The following NKAIN3 variants were observed in gnomAD, a reference collection of about 807,000 sequenced individuals.
NKAIN3 encodes sodium/potassium-transporting ATPase subunit beta-1-interacting protein 3.
In NKAIN3, 25 loss-of-function variants were observed where a neutral mutation model predicts 30.2. That is an observed-to-expected ratio of 0.83 (90% CI 0.60 to 1.16). NKAIN3 has a LOEUF of 1.16. Ranked by LOEUF, NKAIN3 falls within the 50% of genes most tolerant of loss-of-function variation. The pLI is 0.00. For synonymous variants in NKAIN3, 91 were observed against 89.6 expected (o/e 1.02, Z -0.09); for missense variants, 225 against 254.1 (o/e 0.89, Z 0.78).
At chr8:62,434,559 A>G (rs1481133285) in intron 1 of NKAIN3, among the ~76,000 whole-genome samples, 2 of 152,164 alleles carry the variant, frequency 1.3e-5, no homozygotes, top group Non-Finnish European at 2.9e-5. Context: ...AATTTTAGGA[A>G]AAGACTGCTT....
At position 62,739,399 on chromosome 8, in the gene NKAIN3, C is replaced by T. The variant is rs148703629; in HGVS notation, c.274-7533C>T. ...TGATTTCAGCATTCTTCCACCCAAG[C>T]TTCACTGCAAATTTGTTGTTTGTTC... On this transcript the variant is annotated intron_variant, in intron 3 of 6. Coordinates refer to ENST00000623646, the MANE Select transcript of NKAIN3 (RefSeq NM_001304533.3). Among the ~76,000 whole-genome samples the T allele has an allele frequency of 4.1e-3, 628 of 152,264 alleles. 4 individuals carry two copies. Among genetic ancestry groups the T allele is most frequent in the African/African-American group, 0.014 (590 of 41,552 alleles).
intron 3 of NKAIN3, among the ~76,000 whole-genome samples, chr8:62,630,224 G>A (rs1811913140): frequency 6.6e-6 from 1 of 152,056 alleles, no homozygotes; most frequent in Non-Finnish European, 1.5e-5. Flanking sequence ...GCAGGTCGTG[G>A]AATGCATCCC....
chr8:62,619,698 T>TA (rs111630029), intron 3 of NKAIN3, among the ~76,000 whole-genome samples: 18,983 of 141,766 alleles, frequency 0.13, 3,050 homozygotes, highest in African/African-American at 0.39. Flanking sequence ...TCAAATATTG[T>TA]AAAAAAAAAA....
At chr8:62,511,962 T>G (rs1376768) in intron 1 of NKAIN3, among the ~76,000 whole-genome samples, 92,543 of 152,016 alleles carry the variant, frequency 0.61, 29,365 homozygotes, top group South Asian at 0.78. Flanking sequence ...TCTGTTTCCC[T>G]CTCTAAATAG....
intron 1 of NKAIN3, among the ~76,000 whole-genome samples, chr8:62,476,734 C>T (rs1293265672): frequency 1.3e-5 from 2 of 152,070 alleles, no homozygotes; most frequent in Non-Finnish European, 2.9e-5. Flanking sequence ...GGATTACAGG[C>T]GTGAGCTACC....
intron 4 of NKAIN3, among the ~76,000 whole-genome samples, chr8:62,909,643 C>T (rs1424169056): frequency 6.6e-6 from 1 of 152,132 alleles, no homozygotes. Context: ...GATGTCTAGA[C>T]AGTTTCTCAT....
intron 4 of NKAIN3, among the ~76,000 whole-genome samples, chr8:62,814,531 C>A (rs1341686036): frequency 6.6e-6 from 1 of 152,030 alleles, no homozygotes; most frequent in African/African-American, 2.4e-5. Context: ...AACAAACTGT[C>A]TCTCAGACCA....
intron 1 of NKAIN3, among the ~76,000 whole-genome samples, chr8:62,370,488 T>C (rs1035895413): frequency 2.0e-5 from 3 of 151,944 alleles, no homozygotes; most frequent in Admixed American, 1.3e-4. Context: ...TACATGTATA[T>C]ATACACATCT....
intron 4 of NKAIN3, among the ~76,000 whole-genome samples, chr8:62,869,806 T>C (rs1470684719): frequency 6.6e-6 from 1 of 152,032 alleles, no homozygotes; most frequent in African/African-American, 2.4e-5. Flanking sequence ...CTAGCTCTGT[T>C]GCCCAGGCTG....
intron 4 of NKAIN3, among the ~76,000 whole-genome samples, chr8:62,858,471 C>T (rs192057640): frequency 6.6e-6 from 1 of 152,280 alleles, no homozygotes; most frequent in African/African-American, 2.4e-5. Flanking sequence ...CTTGAACAGC[C>T]AAGGTAGTGA....
intron 1 of NKAIN3, among the ~76,000 whole-genome samples, chr8:62,429,057 G>A (rs1027894813): frequency 6.6e-6 from 1 of 151,920 alleles, no homozygotes; most frequent in African/African-American, 2.4e-5. Flanking sequence ...TGGATATCCA[G>A]TTCTTCCAGC....
intron 1 of NKAIN3, among the ~76,000 whole-genome samples, chr8:62,303,194 A>G (rs1469308805): frequency 6.6e-6 from 1 of 150,490 alleles, no homozygotes; most frequent in Non-Finnish European, 1.5e-5. Context: ...ATTGGTGACA[A>G]TTAAAATGAA....
At chr8:62,532,341 C>T (rs1393078384) in intron 1 of NKAIN3, among the ~76,000 whole-genome samples, 1 of 152,078 alleles carries the variant, frequency 6.6e-6, no homozygotes, top group Non-Finnish European at 1.5e-5. Flanking sequence ...ACTGCCTATC[C>T]CCTGCCCAGT....
rs1334563219 is a variant in NKAIN3, at chr8:62,974,773, A to G, written c.*9366A>G. 7.2e-5 allele frequency among the ~76,000 whole-genome samples: 11 copies of G among 152,172 alleles called. No homozygotes were observed. The highest frequency in any genetic ancestry group is 7.2e-4 in the Admixed American group (11 of 15,286). On this transcript the variant is annotated 3_prime_UTR_variant, in exon 7 of 7. Coordinates refer to ENST00000623646, the MANE Select transcript of NKAIN3 (RefSeq NM_001304533.3). Reference sequence around the variant, plus strand: ...AAGGGAGTGCTTCCAGTTTTTGCCCATTCAGTGTGATATTGGCTGTGGGTT... The same window carrying G: ...AAGGGAGTGCTTCCAGTTTTTGCCCGTTCAGTGTGATATTGGCTGTGGGTT...
Position 62,400,882 on chromosome 8 carries a change from AT to A in NKAIN3, c.54+151756del, listed in dbSNP as rs1803839784. ...TGGCCTTTGGCAGTTTCATTATTAAATGTCTTCAGATAGACTTACTTAGGAT... is the reference window on the plus strand; with the variant it reads ...TGGCCTTTGGCAGTTTCATTATTAAAGTCTTCAGATAGACTTACTTAGGAT... On this transcript the variant is annotated intron_variant, in intron 1 of 6. Transcript: ENST00000623646. Among the ~76,000 whole-genome samples, 3 of 152,144 alleles carry A rather than the reference AT, an allele frequency of 2.0e-5. No homozygotes were observed. In the South Asian group the frequency reaches 6.2e-4, roughly 31 times the overall value.
intron 4 of NKAIN3, among the ~76,000 whole-genome samples, chr8:62,815,779 T>C (rs1003018247): frequency 2.0e-5 from 3 of 152,044 alleles, no homozygotes; most frequent in Non-Finnish European, 4.4e-5. Flanking sequence ...AATGGATAAA[T>C]TCATAAATTC....
chr8:62,689,633 C>T (rs1047442333), intron 3 of NKAIN3, among the ~76,000 whole-genome samples: 2 of 152,150 alleles, frequency 1.3e-5, no homozygotes, highest in Non-Finnish European at 2.9e-5. Context: ...TAAAATAAAT[C>T]TCCTTGGAGT....
intron 1 of NKAIN3, among the ~76,000 whole-genome samples, chr8:62,412,047 A>T (rs1358043011): frequency 1.3e-5 from 2 of 152,176 alleles, no homozygotes; most frequent in East Asian, 3.8e-4. Flanking sequence ...GCAAAATGAG[A>T]AGGAAAAAAA....
At chr8:62,824,180 G>T (rs189980678) in intron 4 of NKAIN3, among the ~76,000 whole-genome samples, 1 of 152,130 alleles carries the variant, frequency 6.6e-6, no homozygotes, top group African/African-American at 2.4e-5. Context: ...ATGACATTGG[G>T]TCAGACATTT....
Sources: gnomAD v4.1 joint callset for allele counts (sites outside exome capture counted in the v4.1 genomes callset) on GRCh38, gnomAD v4.1.1 for gene constraint, MANE v1.5 for transcripts, NCBI Gene and HGNC (gene_info 2026-07-23, HGNC 2026-07-21) for gene names.